The following TMEM150C variants were observed in gnomAD, a reference collection of about 807,000 sequenced individuals.
TMEM150C encodes transmembrane protein 150C, also known as tentonin 3.
In TMEM150C, 10 loss-of-function variants were observed where a neutral mutation model predicts 29.9. That is an observed-to-expected ratio of 0.33 (90% CI 0.21 to 0.57). TMEM150C has a LOEUF of 0.57. Among genes scored for constraint, TMEM150C ranks in the 20% least tolerant of loss-of-function variants. The pLI, the probability that TMEM150C is intolerant of heterozygous loss-of-function variation, is 0.88. For synonymous variants in TMEM150C, 101 were observed against 112.5 expected, an observed-to-expected ratio of 0.90 and a Z score of 0.64; for missense variants, 251 against 303.6, an observed-to-expected ratio of 0.83 and a Z score of 1.29.
At chr4:82,559,704 A>G (rs1042858365) in intron 1 of TMEM150C, among the ~76,000 whole-genome samples, 1 of 152,254 alleles carries the variant, frequency 6.6e-6, no homozygotes, top group Non-Finnish European at 1.5e-5. Flanking sequence ...GACCCTTACC[A>G]GAACCTAATC....
At chr4:82,561,641 G>GCGGGGCAGAGCCGGCACCGACTCTGC (rs1725934456) in intron 1 of TMEM150C, among the ~76,000 whole-genome samples, 1 of 147,518 alleles carries the variant, frequency 6.8e-6, no homozygotes, top group Non-Finnish European at 1.5e-5. Flanking sequence ...GCGTTCGCAG[G>GCGGGGCAGAGCCGGCACCGACTCTGC]TCGCGGGGCA....
At chr4:82,528,793 A>G in intron 1 of TMEM150C, among the ~76,000 whole-genome samples, 1 of 151,778 alleles carries the variant, frequency 6.6e-6, no homozygotes, top group East Asian at 1.9e-4. Context: ...ACGGGGTTTC[A>G]CCATATTGGC....
At chr4:82,494,916 C>CGCTT (rs1723490119) in intron 6 of TMEM150C, 1 of 555,386 alleles carries the variant, frequency 1.8e-6, no homozygotes, top group Non-Finnish European at 3.4e-6. Flanking sequence ...TTGTTCCTTG[C>CGCTT]GCTTCTCTTT....
In TMEM150C at chr4:82,489,062, A is replaced by ATT. The variant is rs576894576; in HGVS notation, c.541+997_541+998dup. On this transcript the variant is annotated intron_variant, in intron 7 of 7. Coordinates refer to ENST00000449862, the MANE Select transcript of TMEM150C (RefSeq NM_001080506.3). Reference sequence around the variant, plus strand: ...GCCACAACACCCAGCGGATTTTTAGATTTTTTTTTTTTTTTTTTTTGTAGA... The same window carrying ATT: ...GCCACAACACCCAGCGGATTTTTAGATTTTTTTTTTTTTTTTTTTTTTGTAGA... Among the ~76,000 whole-genome samples, 579 of 126,066 alleles carry ATT rather than the reference A, an allele frequency of 4.6e-3. 14 individuals carry two copies. The highest frequency in any genetic ancestry group is 0.044 in the South Asian group (167 of 3,828). The allele number at this position is 126,066 out of a possible 152,430, so 82.7% of individuals were successfully genotyped here. A position where few individuals can be genotyped will look rare whatever the true frequency, so the allele number is the denominator to read the frequency against.
chr4:82,536,725 T>A (rs538479747), intron 1 of TMEM150C, among the ~76,000 whole-genome samples: 6 of 150,816 alleles, frequency 4.0e-5, no homozygotes, highest in Non-Finnish European at 8.9e-5. Flanking sequence ...AAAAAAAAAA[T>A]GAAATATTGA....
At chr4:82,529,938 A>G (rs1440022735) in intron 1 of TMEM150C, among the ~76,000 whole-genome samples, 1 of 152,084 alleles carries the variant, frequency 6.6e-6, no homozygotes, top group Non-Finnish European at 1.5e-5. Flanking sequence ...GGAAAGAAGT[A>G]GAGGCTGAAA....
At chr4:82,545,232 C>T (rs560046093) in intron 1 of TMEM150C, among the ~76,000 whole-genome samples, 368 of 152,334 alleles carry the variant, frequency 2.4e-3, no homozygotes, top group Middle Eastern at 6.8e-3. Context: ...GGATGCAAGG[C>T]TGGTTCAACA....
At chr4:82,514,329 G>A (rs1724223105) in intron 1 of TMEM150C, among the ~76,000 whole-genome samples, 1 of 152,186 alleles carries the variant, frequency 6.6e-6, no homozygotes, top group Admixed American at 6.5e-5. Flanking sequence ...GTGTTTTTCT[G>A]CTCCCTGTTC....
rs745461497 is a variant in TMEM150C at position 82,490,226 on chromosome 4, C to T, written c.376G>A (p.Glu126Lys). Reference protein sequence around the residue: ...LLGNFQLTNDEEIHNVGTSLT... With the variant: ...LLGNFQLTNDKEIHNVGTSLT... ...GAAGTTCCGACGTTATGGATTTCTT[C>T]ATCATTTGTGAGCTTAGGGATGAAT... The change falls in exon 7 of 8, where the codon GAA (glutamate) becomes AAA (lysine). Residue 126 changes from glutamate (E) to lysine (K), a missense_variant. Transcript: ENST00000449862. 6.2e-7 allele frequency: 1 copy of T among 1,613,866 alleles called. No homozygotes were observed. The highest frequency in any genetic ancestry group is 1.3e-5 in the African/African-American group (1 of 75,020).
chr4:82,541,473 T>C (rs1725200134), intron 1 of TMEM150C, among the ~76,000 whole-genome samples: 1 of 152,200 alleles, frequency 6.6e-6, no homozygotes, highest in Non-Finnish European at 1.5e-5. Context: ...GAAAAGGATG[T>C]TGATTATAAT....
intron 6 of TMEM150C, chr4:82,495,528 C>T (rs562534171): frequency 1.7e-5 from 6 of 358,142 alleles, no homozygotes; most frequent in South Asian, 1.5e-4. Flanking sequence ...GTATAGCCTT[C>T]TCTCTTTTTT....
At chr4:82,516,156 G>A (rs895398137) in intron 1 of TMEM150C, among the ~76,000 whole-genome samples, 4 of 152,132 alleles carry the variant, frequency 2.6e-5, no homozygotes, top group African/African-American at 7.2e-5. Context: ...ATGGGGACCC[G>A]AGAAGCAAAT....
At chr4:82,523,839 G>C (rs755112647) in intron 1 of TMEM150C, among the ~76,000 whole-genome samples, 31 of 151,724 alleles carry the variant, frequency 2.0e-4, no homozygotes, top group Non-Finnish European at 3.5e-4. Context: ...CGCCACACCT[G>C]GCTAATTTTT....
At chr4:82,519,474 G>C (rs1457470206) in intron 1 of TMEM150C, among the ~76,000 whole-genome samples, 2 of 151,770 alleles carry the variant, frequency 1.3e-5, no homozygotes, top group African/African-American at 4.8e-5. Context: ...GCCCAGGATA[G>C]AGTGCAGTGG....
chr4:82,502,832 A>G (rs757644140), intron 4 of TMEM150C, 38 bp from the exon 5 acceptor site: 6 of 1,588,232 alleles, frequency 3.8e-6, no homozygotes, highest in Non-Finnish European at 1.7e-6. Context: ...TACTATATCA[A>G]AATCTATAAT....
At chr4:82,561,199 C>A (rs1253641244) in intron 1 of TMEM150C, among the ~76,000 whole-genome samples, 1 of 152,190 alleles carries the variant, frequency 6.6e-6, no homozygotes, top group Non-Finnish European at 1.5e-5. Flanking sequence ...GGACTCTCTC[C>A]AGAACCCAAA....
chr4:82,561,002 C>A (rs1042525334), intron 1 of TMEM150C, among the ~76,000 whole-genome samples: 3 of 152,152 alleles, frequency 2.0e-5, no homozygotes, highest in Admixed American at 2.0e-4. Flanking sequence ...CTGGCCCAAC[C>A]GTGAAAGGCG....
chr4:82,558,950 A>G (rs1224593430), intron 1 of TMEM150C, among the ~76,000 whole-genome samples: 1 of 152,042 alleles, frequency 6.6e-6, no homozygotes, highest in Non-Finnish European at 1.5e-5. Context: ...TCCCCACCCT[A>G]ACTGATCAAT....
rs372002141 is a variant in TMEM150C at position 82,517,550 on chromosome 4, T to C, written c.-10-12883A>G. ...AGGAGGAATGAATTCTCTCTTTTCTTGCGCTGGAACACCCATCTTCTACTG... is the reference window on the plus strand; with the variant it reads ...AGGAGGAATGAATTCTCTCTTTTCTCGCGCTGGAACACCCATCTTCTACTG... On this transcript the variant is annotated intron_variant, in intron 1 of 7. Transcript: ENST00000449862. 2.6e-5 allele frequency among the ~76,000 whole-genome samples: 4 copies of C among 152,290 alleles called. No homozygotes were observed. In the East Asian group the frequency reaches 5.8e-4, roughly 22 times the overall value.
Sources: gnomAD v4.1 joint callset for allele counts (sites outside exome capture counted in the v4.1 genomes callset) on GRCh38, gnomAD v4.1.1 for gene constraint, MANE v1.5 for transcripts, NCBI Gene and HGNC (gene_info 2026-07-23, HGNC 2026-07-21) for gene names.